MYLK: variants seen among roughly 807,000 people sequenced by gnomAD.
MYLK encodes myosin light chain kinase, smooth muscle.
In MYLK, 106 loss-of-function variants were observed where a neutral mutation model predicts 203.4. That is an observed-to-expected ratio of 0.52 (90% CI 0.45 to 0.61). The LOEUF (loss-of-function observed/expected upper bound fraction) is 0.61. Among genes scored for constraint, MYLK ranks in the 20% least tolerant of loss-of-function variants. The pLI, the probability that MYLK is intolerant of heterozygous loss-of-function variation, is 0.00. For synonymous variants in MYLK, 867 were observed against 959.5 expected, an observed-to-expected ratio of 0.90 and a Z score of 1.78; for missense variants, 2,072 against 2,442.3, an observed-to-expected ratio of 0.85 and a Z score of 3.20.
intron 29 of MYLK, chr3:123,630,427 A>G (rs2058363834): frequency 6.6e-6 from 1 of 152,246 alleles, no homozygotes. Context: ...AAGTGCCTAA[A>G]ACAAGTGAAC....
intron 5 of MYLK, 116 bp from the exon 6 acceptor site, chr3:123,740,117 G>T: frequency 1.0e-6 from 1 of 968,578 alleles, no homozygotes; most frequent in Non-Finnish European, 1.7e-6. Context: ...AATCTTGACT[G>T]AGCATGGGCT....
At chr3:123,881,966 G>A (rs1026956833) in intron 1 of MYLK, among the ~76,000 whole-genome samples, 5 of 152,202 alleles carry the variant, frequency 3.3e-5, no homozygotes, top group African/African-American at 1.2e-4. Context: ...TGCAGTGACT[G>A]TAGCTGTCTG....
At chr3:123,636,195 G>A (rs1559995532) in intron 29 of MYLK, among the ~76,000 whole-genome samples, 1 of 152,178 alleles carries the variant, frequency 6.6e-6, no homozygotes, top group East Asian at 1.9e-4. Context: ...TGGTTTGCCT[G>A]GGACTGTTCC....
At chr3:123,828,309 C>T (rs897348240) in intron 3 of MYLK, among the ~76,000 whole-genome samples, 4 of 152,064 alleles carry the variant, frequency 2.6e-5, no homozygotes, top group African/African-American at 9.7e-5. Context: ...CACATAGGTA[C>T]AGCCAATTGA....
Position 123,702,782 on chromosome 3 carries a change from C to T in MYLK, c.2391-1273G>A, listed in dbSNP as rs1464373952. ...AGTGGGAGGATTGCTTGAGCTCGCA[C>T]GTTTGACACCAGCTTGGGCAACATA... On this transcript the variant is annotated intron_variant, in intron 16 of 33. Coordinates refer to ENST00000360304, the MANE Select transcript of MYLK (RefSeq NM_053025.4). 3.9e-5 allele frequency among the ~76,000 whole-genome samples: 6 copies of T among 152,278 alleles called. No individual in the cohort carries two copies. The East Asian group carries it at 7.7e-4, about 20-fold the overall frequency.
intron 13 of MYLK, among the ~76,000 whole-genome samples, chr3:123,712,979 C>T (rs1452685875): frequency 2.6e-5 from 4 of 152,236 alleles, no homozygotes. Context: ...ATTATGGACT[C>T]ATTTTTATAG....
intron 4 of MYLK, among the ~76,000 whole-genome samples, chr3:123,788,601 T>C (rs758768385): frequency 1.3e-4 from 18 of 141,466 alleles, no homozygotes; most frequent in African/African-American, 3.9e-4. Flanking sequence ...TGTGTTCTCA[T>C]TGTTAAAGTG....
intron 5 of MYLK, 142 bp downstream of exon 5, chr3:123,752,189 G>T (rs2063215278): frequency 2.3e-6 from 2 of 855,448 alleles, no homozygotes; most frequent in South Asian, 1.4e-5. Flanking sequence ...CCATTAGATT[G>T]GAAGGTCCGG....
Position 123,640,210 on chromosome 3 carries a change from CCT to C in MYLK, c.4837+75_4837+76del. The C allele has an allele frequency of 7.4e-7, 1 of 1,356,642 alleles. No homozygotes were observed. Among genetic ancestry groups the C allele is most frequent in the Middle Eastern group, 1.8e-4 (1 of 5,490 alleles). The allele number at this position is 1,356,642 out of a possible 1,614,324, so 84.0% of individuals were successfully genotyped here. ...GATTTAACCCCAATACTGTATGTTT[CCT>C]CTCACACTCAGTGTGAGAGGAAACG... On this transcript the variant is annotated intron_variant, in intron 28 of 33. Transcript: ENST00000360304. This position sits in a 1 kb window ranked among gnomAD's most constrained non-coding sequence, Gnocchi z 4.3.
intron 19 of MYLK, among the ~76,000 whole-genome samples, chr3:123,683,348 C>G (rs1331320080): frequency 1.3e-5 from 2 of 152,090 alleles, no homozygotes; most frequent in Admixed American, 1.3e-4. Context: ...TGAGGCTTGG[C>G]TGGGGAGGAA....
intron 3 of MYLK, among the ~76,000 whole-genome samples, chr3:123,828,333 T>C (rs1316539007): frequency 1.3e-5 from 2 of 152,044 alleles, no homozygotes; most frequent in African/African-American, 4.8e-5. Context: ...TCAGCAAAGG[T>C]ACCAAGAACA....
chr3:123,799,190 AC>A (rs2065104139), intron 3 of MYLK, among the ~76,000 whole-genome samples: 1 of 98,422 alleles, frequency 1.0e-5, no homozygotes, highest in Non-Finnish European at 2.0e-5. Context: ...CTTACCCCTC[AC>A]CCCTCACCCC....
Position 123,699,954 on chromosome 3 carries a change from G to GC in MYLK, c.3448+65dup. The GC allele has an allele frequency of 3.1e-6, 5 of 1,608,010 alleles. No individual in the cohort carries two copies. The South Asian group carries it at 3.3e-5, about 11-fold the overall frequency. On this transcript the variant is annotated intron_variant, in intron 18 of 33. Coordinates refer to ENST00000360304, the MANE Select transcript of MYLK (RefSeq NM_053025.4). ...GCTAACAGGGGTCAGCGAGACCAAC[G>GC]CTCCATGAGCTAGGAGTGGCCCTGG...
rs778728510 is a variant in MYLK at position 123,752,316 on chromosome 3, C to A, written c.373+15G>T. The A allele has an allele frequency of 7.4e-6, 12 of 1,613,562 alleles. No individual in the cohort carries two copies. Among genetic ancestry groups the A allele is most frequent in the Non-Finnish European group, 1.0e-5 (12 of 1,179,944 alleles). The stretch of plus-strand genomic sequence containing the variant: ...AGCTCAGCTCCCTCCTGGACTCGGG[C>A]CTCCTGGGACTCACCTTCTACTGTC... On this transcript the variant is annotated intron_variant, in intron 5 of 33. Transcript: ENST00000360304.
chr3:123,698,288 A>G (rs1370922879), intron 18 of MYLK, among the ~76,000 whole-genome samples: 1 of 152,238 alleles, frequency 6.6e-6, no homozygotes, highest in Non-Finnish European at 1.5e-5. Flanking sequence ...CAAGAAAGAT[A>G]TTAAGAATGA....
chr3:123,638,459 A>G lies in MYLK; in HGVS notation c.4838-265T>C, dbSNP rs79894580. 3.3e-5 allele frequency among the ~76,000 whole-genome samples: 5 copies of G among 152,244 alleles called. No individual in the cohort carries two copies. In the East Asian group the frequency reaches 9.6e-4, roughly 29 times the overall value. On this transcript the variant is annotated intron_variant, in intron 28 of 33. Transcript: ENST00000360304. ...GAGGCCGCTAAATCACCCGCCCCTG[A>G]ATGGTCTTTTTGTGAGTCTGTCTCA...
At chr3:123,866,965 C>T (rs1054596776) in intron 2 of MYLK, among the ~76,000 whole-genome samples, 3 of 152,066 alleles carry the variant, frequency 2.0e-5, no homozygotes, top group African/African-American at 7.2e-5. Context: ...TCTATGACTC[C>T]CCACTGGCTC....
intron 2 of MYLK, among the ~76,000 whole-genome samples, chr3:123,844,252 T>G (rs1478078811): frequency 6.6e-6 from 1 of 151,822 alleles, no homozygotes; most frequent in Non-Finnish European, 1.5e-5. Context: ...GAATGAGGGG[T>G]AGGAGGAGCA....
chr3:123,871,316 G>A (rs1267883287), intron 2 of MYLK, among the ~76,000 whole-genome samples: 1 of 151,960 alleles, frequency 6.6e-6, no homozygotes, highest in Non-Finnish European at 1.5e-5. Flanking sequence ...AAAACAAGCA[G>A]AATATATGAT....
Sources: allele counts gnomAD v4.1 joint callset (sites outside exome capture counted in the v4.1 genomes callset), GRCh38; gene constraint gnomAD v4.1.1; non-coding constraint Gnocchi (gnomAD v3.1); transcripts MANE v1.5; gene names NCBI Gene and HGNC (gene_info 2026-07-23, HGNC 2026-07-21).